PPIP5K1: variants seen among roughly 807,000 people sequenced by gnomAD.
The protein encoded by PPIP5K1 is inositol hexakisphosphate and diphosphoinositol-pentakisphosphate kinase 1.
Under a neutral mutation model 27.7 loss-of-function variants are expected in PPIP5K1, and 6 were observed. The ratio of observed to expected loss-of-function variants is 0.22; its 90% CI spans 0.12 to 0.43. The LOEUF (loss-of-function observed/expected upper bound fraction) is 0.43. Ranked by LOEUF, PPIP5K1 falls within the 20% of genes least tolerant of loss-of-function variation. The pLI, the probability that PPIP5K1 is intolerant of heterozygous loss-of-function variation, is 1.00. For synonymous variants in PPIP5K1, 145 were observed against 242.6 expected (o/e 0.60, Z 3.74); for missense variants, 394 against 635.4 (o/e 0.62, Z 4.08).
Position 43,559,047 on chromosome 15 carries a change from T to A in PPIP5K1, c.3419-115A>T. The A allele has an allele frequency of 1.5e-5, 20 of 1,291,454 alleles. 1 individual carries two copies. In the South Asian group the frequency reaches 2.6e-4, roughly 17 times the overall value. 80.0% of individuals were successfully genotyped at this position (1,291,454 alleles called of 1,614,324 possible). Reference sequence around the variant, plus strand: ...TCAGGAGAGTCCGTGGCTTTTGGAGTGTTGGGTATCCAAGACTCTTAGGAG... The same window carrying A: ...TCAGGAGAGTCCGTGGCTTTTGGAGAGTTGGGTATCCAAGACTCTTAGGAG... On this transcript the variant is annotated intron_variant, in intron 29 of 31. Coordinates refer to ENST00000420765, the MANE Select transcript of PPIP5K1 (RefSeq NM_001394395.1).
Position 43,583,512 on chromosome 15 carries a change from AGAGTCGCTCTAGGATTT to A in PPIP5K1, c.218_234del (p.Gln73LeufsTer4). On this transcript the variant is annotated frameshift_variant, in exon 4 of 32. Transcript: ENST00000420765. LOFTEE classifies it high-confidence loss of function. ...ACAACAGTCAGGTAGTCAAATCTGC[AGAGTCGCTCTAGGATTT>A]GAGTCATTGGCTTGGACTTGGATTT... 7.9e-6 allele frequency: 3 copies of A among 378,538 alleles called. No homozygotes were observed. Among genetic ancestry groups the A allele is most frequent in the Non-Finnish European group, 1.2e-5 (3 of 241,194 alleles). The allele number at this position is 378,538 out of a possible 1,614,324, so 23.4% of individuals were successfully genotyped here.
intron 30 of PPIP5K1, among the ~76,000 whole-genome samples, chr15:43,552,157 A>T (rs1327598984): frequency 6.6e-6 from 1 of 151,834 alleles, no homozygotes; most frequent in Admixed American, 6.6e-5. Flanking sequence ...GTCTCACTAT[A>T]TTGCCCAGAC....
chr15:43,553,087 T>C (rs2082437459), intron 30 of PPIP5K1, among the ~76,000 whole-genome samples: 2 of 152,198 alleles, frequency 1.3e-5, no homozygotes, highest in African/African-American at 2.4e-5. Context: ...TACTTGTGAA[T>C]TTTCCAGTTT....
intron 30 of PPIP5K1, among the ~76,000 whole-genome samples, chr15:43,547,200 T>C (rs1268239970): frequency 6.6e-6 from 1 of 152,248 alleles, no homozygotes; most frequent in African/African-American, 2.4e-5. Context: ...CATGTCTTCT[T>C]TGGAGAATGT....
chr15:43,580,689 C>G (rs1368041877), intron 10 of PPIP5K1, among the ~76,000 whole-genome samples: 1 of 91,528 alleles, frequency 1.1e-5, no homozygotes, highest in East Asian at 4.3e-4. Context: ...TCACCTCCTG[C>G]GTTCAAGCGA....
chr15:43,579,598 CGTGTGTGTGTGTGTGT>C (rs1168161790), intron 10 of PPIP5K1, among the ~76,000 whole-genome samples: 3 of 29,916 alleles, frequency 1.0e-4, no homozygotes, highest in African/African-American at 4.6e-4. Context: ...TATATGTGTA[CGTGTGTGTGTGTGTGT>C]GTGTGTGTGT....
intron 31 of PPIP5K1, among the ~76,000 whole-genome samples, chr15:43,539,199 C>CA (rs11385296): frequency 0.47 from 65,789 of 140,168 alleles, 18,496 homozygotes; most frequent in African/African-American, 0.81. Context: ...CTCTGTCTCT[C>CA]AAAAAAAAAA....
intron 30 of PPIP5K1, among the ~76,000 whole-genome samples, chr15:43,540,116 G>A (rs2080467984): frequency 6.6e-6 from 1 of 152,012 alleles, no homozygotes. Flanking sequence ...AGCCGGCATG[G>A]TGGCACATGC....
At chr15:43,553,770 G>A (rs1315539231) in intron 30 of PPIP5K1, among the ~76,000 whole-genome samples, 6 of 150,842 alleles carry the variant, frequency 4.0e-5, no homozygotes, top group East Asian at 3.9e-4. Context: ...TCAGCCTCCC[G>A]AGTAGGTGGG....
chr15:43,539,811 C>T (rs2080426477), intron 30 of PPIP5K1, among the ~76,000 whole-genome samples: 1 of 152,174 alleles, frequency 6.6e-6, no homozygotes, highest in Non-Finnish European at 1.5e-5. Context: ...CTGCTGCAGT[C>T]AATGCCCATA....
chr15:43,558,401 T>A lies in PPIP5K1; in HGVS notation c.3556+394A>T, dbSNP rs375519033. Among the ~76,000 whole-genome samples, 122 of 152,210 alleles carry A rather than the reference T, an allele frequency of 8.0e-4. No homozygotes were observed. In the Middle Eastern group the frequency reaches 0.014, roughly 17 times the overall value. On this transcript the variant is annotated intron_variant, in intron 30 of 31. Transcript: ENST00000420765. ...CACCACCGCACCCAGCTAATTTTGG[T>A]ATTTTTAGTAGAGGCAGGGTTTCAC... is the stretch of plus-strand genomic sequence containing the variant.
At position 43,534,863 on chromosome 15, in the gene PPIP5K1, T is replaced by A; in HGVS notation, c.4284A>T (p.Pro1428=). The A allele has an allele frequency of 6.2e-7, 1 of 1,613,970 alleles. No homozygotes were observed. Among genetic ancestry groups the A allele is most frequent in the Non-Finnish European group, 8.5e-7 (1 of 1,179,908 alleles). ...VQETLVEVGS[P]AEEIPEEVIQ... ...TGACCTCCTCAGGGATCTCTTCAGCTGGGCTGCCAACTTCTACAAGGGTTT... is the reference window on the plus strand; with the variant it reads ...TGACCTCCTCAGGGATCTCTTCAGCAGGGCTGCCAACTTCTACAAGGGTTT... Residue 1428 remains proline (P), a synonymous_variant, in exon 32 of 32, where the codon CCA becomes CCT. Coordinates refer to ENST00000420765, the MANE Select transcript of PPIP5K1 (RefSeq NM_001394395.1).
intron 30 of PPIP5K1, among the ~76,000 whole-genome samples, chr15:43,553,648 T>TG (rs1567054317): frequency 1.8e-5 from 2 of 110,416 alleles, no homozygotes; most frequent in South Asian, 2.9e-4. Flanking sequence ...TTCTGTGTGT[T>TG]TTTTTTTTTT....
At chr15:43,539,172 G>A (rs1479318823) in intron 31 of PPIP5K1, among the ~76,000 whole-genome samples, 1 of 150,822 alleles carries the variant, frequency 6.6e-6, no homozygotes, top group African/African-American at 2.5e-5. Context: ...GATCGTGCCT[G>A]GGCAATAAGA....
intron 30 of PPIP5K1, among the ~76,000 whole-genome samples, chr15:43,540,223 G>T (rs2080486404): frequency 6.6e-6 from 1 of 152,022 alleles, no homozygotes; most frequent in African/African-American, 2.4e-5. Flanking sequence ...CTGCACTCCA[G>T]CCTGGTGGCA....
chr15:43,557,133 A>AC (rs1397927601), intron 30 of PPIP5K1, among the ~76,000 whole-genome samples: 1 of 151,928 alleles, frequency 6.6e-6, no homozygotes, highest in Non-Finnish European at 1.5e-5. Context: ...TATTCAATTT[A>AC]CCCCCCGTCC....
chr15:43,554,482 G>A (rs1241128035), intron 30 of PPIP5K1, among the ~76,000 whole-genome samples: 1 of 152,076 alleles, frequency 6.6e-6, no homozygotes. Flanking sequence ...AGACTATTTT[G>A]TCTAATACTG....
intron 30 of PPIP5K1, among the ~76,000 whole-genome samples, chr15:43,550,192 G>A: frequency 6.6e-6 from 1 of 151,794 alleles, no homozygotes. Flanking sequence ...CTAAAGTACA[G>A]TGATGCGATC....
At chr15:43,542,382 C>G (rs1403068374) in intron 30 of PPIP5K1, among the ~76,000 whole-genome samples, 4 of 151,822 alleles carry the variant, frequency 2.6e-5, no homozygotes, top group Non-Finnish European at 5.9e-5. Context: ...GCCTCAAACT[C>G]CCAGGTTCAA....
Sources: gnomAD v4.1 joint callset for allele counts (sites outside exome capture counted in the v4.1 genomes callset) on GRCh38, gnomAD v4.1.1 for gene constraint, MANE v1.5 for transcripts, NCBI Gene and HGNC (gene_info 2026-07-23, HGNC 2026-07-21) for gene names.